IDH3A: variants seen among roughly 807,000 people sequenced by gnomAD.
The protein encoded by IDH3A is isocitrate dehydrogenase (NAD(+)) 3 catalytic subunit alpha, also known as isocitrate dehydrogenase [NAD] subunit alpha, mitochondrial.
In IDH3A, 23 loss-of-function variants were observed where a neutral mutation model predicts 43.3. That is an observed-to-expected ratio of 0.53 (90% CI 0.38 to 0.75). IDH3A has a LOEUF of 0.75. IDH3A is among the 30% of genes least tolerant of loss of function. The pLI is 0.00. For missense variants in IDH3A, 329 were observed against 474.4 expected (o/e 0.69, Z 2.85); for synonymous variants, 154 against 163.5 (o/e 0.94, Z 0.44).
chr15:78,162,545 GTTT>G (rs34495427), intron 6 of IDH3A, among the ~76,000 whole-genome samples, 178 bp downstream of exon 6: 2 of 120,186 alleles, frequency 1.7e-5, no homozygotes, highest in Admixed American at 8.6e-5. Context: ...TTTCTCCTCT[GTTT>G]TTTTTTTTTT....
chr15:78,152,935 T>A lies in IDH3A; in HGVS notation c.28-2278T>A, dbSNP rs541063763. On this transcript the variant is annotated intron_variant, in intron 1 of 10. Coordinates refer to ENST00000299518, the MANE Select transcript of IDH3A (RefSeq NM_005530.3). The stretch of plus-strand genomic sequence containing the variant: ...GTTTGATTGTTGTTTTGTTTTTTTT[T>A]AAATTATTGAATACCTTCTATGAGC... Among the ~76,000 whole-genome samples, 307 of 152,146 alleles carry A rather than the reference T, an allele frequency of 2.0e-3. 1 individual carries two copies. Among genetic ancestry groups the A allele is most frequent in the African/African-American group, 5.6e-3 (231 of 41,488 alleles).
intron 7 of IDH3A, 44 bp from the exon 8 acceptor site, chr15:78,163,672 G>GA (rs1567072019): frequency 6.4e-7 from 1 of 1,564,778 alleles, no homozygotes; most frequent in East Asian, 2.2e-5. Context: ...GTGTTGTGGG[G>GA]ATGCAGATTT....
intron 6 of IDH3A, 100 bp downstream of exon 6, chr15:78,162,467 A>G (rs184287966): frequency 6.9e-6 from 9 of 1,308,594 alleles, no homozygotes; most frequent in African/African-American, 1.5e-5. Context: ...TTGATTCCTA[A>G]TATCTTTGAA....
Position 78,168,950 on chromosome 15 carries a change from C to T in IDH3A, c.1046C>T (p.Ala349Val). ...TTGACAAAAGATTTGGGAGGCAATG[C>T]AAAATGCTCAGACTTCACAGAGGAA... ...KSLTKDLGGNAKCSDFTEEIC... is the reference protein window; with the variant it reads ...KSLTKDLGGNVKCSDFTEEIC... Residue 349 changes from alanine (A) to valine (V), a missense_variant, in exon 11 of 11, where the codon GCA (alanine) becomes GTA (valine). By Grantham distance (64) the Ala-to-Val change is moderately conservative. Coordinates refer to ENST00000299518, the MANE Select transcript of IDH3A (RefSeq NM_005530.3). 1.2e-6 allele frequency: 2 copies of T among 1,603,296 alleles called. No homozygotes were observed. Among genetic ancestry groups the T allele is most frequent in the Admixed American group, 1.7e-5 (1 of 59,844 alleles).
chr15:78,166,102 G>A, intron 9 of IDH3A, 48 bp from the exon 10 acceptor site: 5 of 1,577,522 alleles, frequency 3.2e-6, no homozygotes, highest in Non-Finnish European at 4.4e-6. Context: ...GAAGAGGACT[G>A]TTAGTTTTTG....
rs2074820795 is a variant in IDH3A at position 78,171,454 on chromosome 15, T to G, written c.*2449T>G. The G allele has an allele frequency of 6.2e-7, 1 of 1,614,070 alleles. No individual in the cohort carries two copies. Among genetic ancestry groups the G allele is most frequent in the Non-Finnish European group, 8.5e-7 (1 of 1,179,896 alleles). On this transcript the variant is annotated 3_prime_UTR_variant, in exon 11 of 11. Transcript: ENST00000299518. ...AGGCATAGGCCCTGATTACATTTTTTGCTCTTGGTAAAAGGAGTCAATGAT... is the reference window on the plus strand; with the variant it reads ...AGGCATAGGCCCTGATTACATTTTTGGCTCTTGGTAAAAGGAGTCAATGAT...
At chr15:78,149,792 C>T (rs956811548) in intron 1 of IDH3A, among the ~76,000 whole-genome samples, 1 of 152,246 alleles carries the variant, frequency 6.6e-6, no homozygotes, top group African/African-American at 2.4e-5. Flanking sequence ...GTCCCGGCTC[C>T]GCCATCCGGG....
chr15:78,155,873 G>C (rs1312325732), intron 2 of IDH3A: 2 of 152,180 alleles, frequency 1.3e-5, no homozygotes, highest in African/African-American at 2.4e-5. Context: ...CTAAGACTGT[G>C]GGTCAGTGAC....
At chr15:78,159,079 C>T (rs572151896) in intron 3 of IDH3A, among the ~76,000 whole-genome samples, 1 of 152,282 alleles carries the variant, frequency 6.6e-6, no homozygotes, top group African/African-American at 2.4e-5. Flanking sequence ...GTGATCCACC[C>T]ACCTTGGCTT....
chr15:78,150,311 C>T (rs1163399538), intron 1 of IDH3A, among the ~76,000 whole-genome samples: 1 of 152,208 alleles, frequency 6.6e-6, no homozygotes, highest in Non-Finnish European at 1.5e-5. Flanking sequence ...ACCTAGGTGT[C>T]TTGGTTCCCA....
chr15:78,150,978 C>T (rs1444252698), intron 1 of IDH3A: 1 of 152,200 alleles, frequency 6.6e-6, no homozygotes, highest in East Asian at 1.9e-4. Flanking sequence ...CATTTGCCTT[C>T]ACAGTGAGGC....
At chr15:78,153,496 A>C (rs1289516353) in intron 1 of IDH3A, among the ~76,000 whole-genome samples, 1 of 152,290 alleles carries the variant, frequency 6.6e-6, no homozygotes, top group East Asian at 1.9e-4. Context: ...ATTTTGGCCA[A>C]TGGTTTTGGC....
chr15:78,152,295 T>C, intron 1 of IDH3A, among the ~76,000 whole-genome samples: 1 of 150,900 alleles, frequency 6.6e-6, no homozygotes. Context: ...TGACCTCAGG[T>C]GATCCACCGG....
chr15:78,165,291 A>G (rs2074727414), intron 9 of IDH3A, among the ~76,000 whole-genome samples: 1 of 151,986 alleles, frequency 6.6e-6, no homozygotes, highest in Admixed American at 6.6e-5. Flanking sequence ...TCCCAGGTTC[A>G]AGTGATTCTC....
intron 1 of IDH3A, among the ~76,000 whole-genome samples, chr15:78,151,769 A>G (rs902487056): frequency 6.6e-6 from 1 of 151,714 alleles, no homozygotes; most frequent in African/African-American, 2.4e-5. Flanking sequence ...CTATCTCTAC[A>G]GGTTTTATAT....
At position 78,162,380 on chromosome 15, in the gene IDH3A, C is replaced by T. The variant is rs965837116; in HGVS notation, c.611+13C>T. On this transcript the variant is annotated intron_variant, in intron 6 of 10. Coordinates refer to ENST00000299518, the MANE Select transcript of IDH3A (RefSeq NM_005530.3). The stretch of plus-strand genomic sequence containing the variant: ...AAGCCAACATCATGTGAGCTCCTTG[C>T]GGGGGCCGGCACCCCATCTTGCTTT... 4.3e-6 allele frequency: 7 copies of T among 1,612,158 alleles called. No individual in the cohort carries two copies. The highest frequency in any genetic ancestry group is 1.7e-5 in the Admixed American group (1 of 59,964).
intron 6 of IDH3A, among the ~76,000 whole-genome samples, chr15:78,163,190 T>A (rs528553344): frequency 7.2e-5 from 11 of 152,252 alleles, no homozygotes; most frequent in Admixed American, 6.5e-4. Context: ...TTTAAATTAC[T>A]ATGTTAACCT....
At chr15:78,156,273 T>G (rs2074622338) in intron 2 of IDH3A, among the ~76,000 whole-genome samples, 1 of 152,162 alleles carries the variant, frequency 6.6e-6, no homozygotes, top group South Asian at 2.1e-4. Context: ...ATTAGCTTGA[T>G]GGAGGAGGTT....
At chr15:78,165,141 T>G in intron 9 of IDH3A, 65 bp downstream of exon 9, 3 of 956,926 alleles carry the variant, frequency 3.1e-6, no homozygotes. Context: ...GGAGGAGTTA[T>G]CTGTATAAGT....
Sources: allele counts gnomAD v4.1 joint callset (sites outside exome capture counted in the v4.1 genomes callset), GRCh38; gene constraint gnomAD v4.1.1; transcripts MANE v1.5; gene names NCBI Gene and HGNC (gene_info 2026-07-23, HGNC 2026-07-21).